The following PTPRT variants were observed in gnomAD, a reference collection of about 807,000 sequenced individuals.
The protein encoded by PTPRT is protein tyrosine phosphatase receptor type T, also known as receptor-type tyrosine-protein phosphatase T.
Under a neutral mutation model 176.8 loss-of-function variants are expected in PTPRT, and 56 were observed. That is an observed-to-expected ratio of 0.32 (90% CI 0.26 to 0.40). The LOEUF is 0.40. Ranked by LOEUF, PTPRT falls within the 10% of genes least tolerant of loss-of-function variation. PTPRT has a pLI of 1.00. For synonymous variants in PTPRT, 783 were observed against 739.0 expected (o/e 1.06, Z -0.96); for missense variants, 1,540 against 1,908.2 (o/e 0.81, Z 3.60).
chr20:42,538,597 G>T (rs1467498579), intron 7 of PTPRT, among the ~76,000 whole-genome samples: 1 of 152,142 alleles, frequency 6.6e-6, no homozygotes, highest in African/African-American at 2.4e-5. Flanking sequence ...AAGTCACATG[G>T]CGATTAATCT....
At chr20:42,317,132 T>A (rs1182895696) in intron 11 of PTPRT, among the ~76,000 whole-genome samples, 1 of 151,834 alleles carries the variant, frequency 6.6e-6, no homozygotes, top group African/African-American at 2.4e-5. Flanking sequence ...AAAGCAAACA[T>A]GAAACCAAAT....
At chr20:42,711,332 G>C (rs1280258608) in intron 6 of PTPRT, among the ~76,000 whole-genome samples, 1 of 150,306 alleles carries the variant, frequency 6.7e-6, no homozygotes, top group East Asian at 2.0e-4. Context: ...GTAATCCCCA[G>C]TGTGGGAGGT....
chr20:43,181,780 C>A (rs2015265499), intron 1 of PTPRT, among the ~76,000 whole-genome samples: 1 of 152,034 alleles, frequency 6.6e-6, no homozygotes. Flanking sequence ...GGGACTAGGG[C>A]TCTTTAAATA....
intron 1 of PTPRT, among the ~76,000 whole-genome samples, chr20:43,084,580 C>T (rs1177745299): frequency 2.6e-5 from 4 of 152,134 alleles, no homozygotes; most frequent in Admixed American, 6.5e-5. Context: ...TCAACATGTG[C>T]GGATTACAAT....
intron 6 of PTPRT, among the ~76,000 whole-genome samples, chr20:42,729,266 C>T (rs2076424792): frequency 6.6e-6 from 1 of 152,064 alleles, no homozygotes; most frequent in Admixed American, 6.5e-5. Context: ...TGAGTCTACC[C>T]AGGGGGGTCG....
At chr20:42,064,123 G>T in the PTPRT span, among the ~76,000 whole-genome samples, 1 of 151,638 alleles carries the variant, frequency 6.6e-6, no homozygotes, top group Non-Finnish European at 1.5e-5. Flanking sequence ...CCAATATCTG[G>T]TGTGACAAGG....
intron 1 of PTPRT, among the ~76,000 whole-genome samples, chr20:43,165,898 A>G (rs2146450716): frequency 6.6e-6 from 1 of 152,224 alleles, no homozygotes; most frequent in South Asian, 2.1e-4. Context: ...TCCCCTCAAA[A>G]GCTCTACGGG....
intron 1 of PTPRT, among the ~76,000 whole-genome samples, chr20:42,948,820 G>C (rs564274023): frequency 8.5e-5 from 13 of 152,164 alleles, no homozygotes; most frequent in Non-Finnish European, 1.8e-4. Flanking sequence ...CAGCTAGAGC[G>C]ATGACTGCCA....
chr20:42,725,895 A>G (rs957025978), intron 6 of PTPRT, among the ~76,000 whole-genome samples: 3 of 151,760 alleles, frequency 2.0e-5, no homozygotes, highest in Non-Finnish European at 2.9e-5. Flanking sequence ...GACTCTGACC[A>G]TCCCTCCCTC....
At chr20:43,080,923 C>A (rs2011424175) in intron 1 of PTPRT, among the ~76,000 whole-genome samples, 1 of 152,240 alleles carries the variant, frequency 6.6e-6, no homozygotes, top group South Asian at 2.1e-4. Context: ...AAGAAATAAA[C>A]CTGTTGTATA....
intron 9 of PTPRT, among the ~76,000 whole-genome samples, chr20:42,417,728 A>G (rs1802720392): frequency 6.6e-6 from 1 of 151,052 alleles, no homozygotes; most frequent in African/African-American, 2.4e-5. Context: ...CTTGACATTT[A>G]TTTGTCTATT....
intron 1 of PTPRT, among the ~76,000 whole-genome samples, chr20:43,046,002 T>C (rs537946999): frequency 2.6e-5 from 4 of 151,792 alleles, no homozygotes; most frequent in Admixed American, 2.6e-4. Flanking sequence ...GAAGAGTGAA[T>C]GCAAAGGCCA....
intron 7 of PTPRT, among the ~76,000 whole-genome samples, chr20:42,479,531 C>T (rs1358761466): frequency 1.3e-5 from 2 of 152,152 alleles, no homozygotes; most frequent in African/African-American, 4.8e-5. Context: ...GTAAGGGGAA[C>T]AAAAATAAAA....
chr20:42,985,450 C>T (rs1319537620), intron 1 of PTPRT, among the ~76,000 whole-genome samples: 6 of 151,960 alleles, frequency 3.9e-5, no homozygotes, highest in African/African-American at 1.2e-4. Context: ...GCCAAGATCA[C>T]ACCATTGCAC....
chr20:42,164,167 C>A (rs930821062), intron 16 of PTPRT, among the ~76,000 whole-genome samples: 1 of 152,186 alleles, frequency 6.6e-6, no homozygotes, highest in African/African-American at 2.4e-5. Context: ...AACATGGGGA[C>A]AGTTGTCTTC....
intron 1 of PTPRT, among the ~76,000 whole-genome samples, chr20:43,086,086 G>C (rs943822343): frequency 8.5e-5 from 13 of 152,158 alleles, no homozygotes; most frequent in Non-Finnish European, 1.6e-4. Flanking sequence ...TAAAGGGCAA[G>C]ACCAAAGGAA....
At chr20:42,413,474 A>T (rs1381857217) in intron 9 of PTPRT, among the ~76,000 whole-genome samples, 1 of 152,166 alleles carries the variant, frequency 6.6e-6, no homozygotes, top group Non-Finnish European at 1.5e-5. Context: ...AACTTAACAA[A>T]AGGTAGGCTT....
intron 1 of PTPRT, among the ~76,000 whole-genome samples, chr20:43,112,810 G>T (rs2012916496): frequency 6.6e-6 from 1 of 152,230 alleles, no homozygotes; most frequent in South Asian, 2.1e-4. Context: ...TCCAGCCCTG[G>T]ATGTTGGGGT....
chr20:42,408,809 T>C (rs1292818681), intron 9 of PTPRT, among the ~76,000 whole-genome samples: 2 of 152,214 alleles, frequency 1.3e-5, no homozygotes, highest in African/African-American at 4.8e-5. Context: ...AAATTTATTT[T>C]CTCACAGTTC....
Sources: gnomAD v4.1 joint callset for allele counts (sites outside exome capture counted in the v4.1 genomes callset) on GRCh38, gnomAD v4.1.1 for gene constraint, MANE v1.5 for transcripts, NCBI Gene and HGNC (gene_info 2026-07-23, HGNC 2026-07-21) for gene names.